Variants in B3GAT2 observed in about 807,000 individuals in gnomAD.
B3GAT2 encodes galactosylgalactosylxylosylprotein 3-beta-glucuronosyltransferase 2.
B3GAT2 carries 26 observed loss-of-function variants against 27.8 expected under a neutral mutation model. The ratio of observed to expected loss-of-function variants is 0.93; its 90% CI spans 0.68 to 1.30. The LOEUF (loss-of-function observed/expected upper bound fraction) is 1.30, where lower values mean the gene tolerates loss of function less well. Among genes scored for constraint, B3GAT2 ranks in the 50% most tolerant of loss-of-function variants. The probability of loss-of-function intolerance (pLI) is 0.00; values close to 1 mark genes in which losing one functional copy is unlikely to be tolerated. For synonymous variants in B3GAT2, 218 were observed against 195.1 expected, an observed-to-expected ratio of 1.12 and a Z score of -0.98; for missense variants, 458 against 459.0, an observed-to-expected ratio of 1.00 and a Z score of 0.02.
intron 1 of B3GAT2, among the ~76,000 whole-genome samples, chr6:70,941,103 G>T (rs1022215892): frequency 2.0e-5 from 3 of 152,070 alleles, no homozygotes; most frequent in African/African-American, 7.2e-5. Context: ...AATACCCAAT[G>T]GTGTAATTAA....
chr6:70,860,384 G>A lies in B3GAT2; in HGVS notation c.*1279C>T. ...GAACTACCACCTGACATTCCTTGCT[G>A]AAACGCATCTAGTTCCCCTGTTTAT... is the stretch of plus-strand genomic sequence containing the variant. On this transcript the variant is annotated 3_prime_UTR_variant, in exon 4 of 4. Transcript: ENST00000230053. 1 of 1,568,276 alleles carries A rather than the reference G, an allele frequency of 6.4e-7. No homozygotes were observed. Among genetic ancestry groups the A allele is most frequent in the East Asian group, 2.3e-5 (1 of 44,170 alleles).
chr6:70,886,221 A>G (rs593132), intron 2 of B3GAT2, among the ~76,000 whole-genome samples: 50,500 of 152,024 alleles, frequency 0.33, 13,077 homozygotes, highest in African/African-American at 0.7. Context: ...AGACACACTG[A>G]CCTGACTCTG....
Position 70,894,222 on chromosome 6 carries a change from C to T in B3GAT2, c.642G>A (p.Gly214=). Residue 214 remains glycine, a synonymous_variant, in exon 2 of 4, where the codon GGG becomes GGA. Transcript: ENST00000230053. ...CCACCAGCGGACGTTCGTAGCGCCG[C>T]CCACCAACCAGGCCCACAGGCCAGA... ...VSVWPVGLVG[G]RRYERPLVEN... 6.2e-7 allele frequency: 1 copy of T among 1,613,754 alleles called. No individual in the cohort carries two copies. The highest frequency in any genetic ancestry group is 8.5e-7 in the Non-Finnish European group (1 of 1,179,738).
chr6:70,955,947 G>T lies in B3GAT2; in HGVS notation c.483C>A (p.Asn161Lys), dbSNP rs1441764337. Reference sequence around the variant, plus strand: ...TCTGGCGCAGCCAGGCGAGGCCCGCGTTGCGCTGCTCAGTGGCGCGCGGCA... The same window carrying T: ...TCTGGCGCAGCCAGGCGAGGCCCGCTTTGCGCTGCTCAGTGGCGCGCGGCA... ...PGLPRATEQR[N>K]AGLAWLRQRH... The change falls in exon 1 of 4, where the codon AAC (asparagine) becomes AAA (lysine). Residue 161 changes from asparagine to lysine, a missense_variant. Coordinates refer to ENST00000230053, the MANE Select transcript of B3GAT2 (RefSeq NM_080742.3). 6.4e-7 allele frequency: 1 copy of T among 1,572,430 alleles called. No homozygotes were observed. Among genetic ancestry groups the T allele is most frequent in the Non-Finnish European group, 8.6e-7 (1 of 1,161,542 alleles).
intron 1 of B3GAT2, among the ~76,000 whole-genome samples, chr6:70,943,999 A>G (rs1054151492): frequency 6.6e-6 from 1 of 152,198 alleles, no homozygotes; most frequent in Admixed American, 6.5e-5. Context: ...GGTAATGAAT[A>G]TATTAATTAG....
At chr6:70,879,806 G>A (rs2347625) in intron 2 of B3GAT2, among the ~76,000 whole-genome samples, 4,735 of 152,152 alleles carry the variant, frequency 0.031, 140 homozygotes, top group South Asian at 0.11. Flanking sequence ...GCAGAGACAA[G>A]TACACGTGAT....
chr6:70,894,406 CCTT>C, intron 1 of B3GAT2, 134 bp from the exon 2 acceptor site: 1 of 966,866 alleles, frequency 1.0e-6, no homozygotes, highest in African/African-American at 1.6e-5. Flanking sequence ...AAAACAGAAT[CCTT>C]CTGCTGCTAG....
At chr6:70,930,433 A>C (rs552322425) in intron 1 of B3GAT2, among the ~76,000 whole-genome samples, 1 of 152,348 alleles carries the variant, frequency 6.6e-6, no homozygotes, top group East Asian at 1.9e-4. Context: ...ATATTTTTGC[A>C]ATCTACCCAT....
At chr6:70,943,045 G>T (rs985792048) in intron 1 of B3GAT2, among the ~76,000 whole-genome samples, 8 of 152,086 alleles carry the variant, frequency 5.3e-5, no homozygotes, top group Admixed American at 3.3e-4. Context: ...TGGAGGAGAC[G>T]GATTTTAAAA....
At position 70,856,822 on chromosome 6, in the gene B3GAT2, T is replaced by C; in HGVS notation, c.*4841A>G. 6.4e-7 allele frequency: 1 copy of C among 1,557,500 alleles called. No individual in the cohort carries two copies. The highest frequency in any genetic ancestry group is 1.9e-5 in the Admixed American group (1 of 51,598). On this transcript the variant is annotated 3_prime_UTR_variant, in exon 4 of 4. Coordinates refer to ENST00000230053, the MANE Select transcript of B3GAT2 (RefSeq NM_080742.3). ...GTAATGGATAAGCTGCGCTTTACTA[T>C]GCAGAATTTGATAGCTTATTTTGGT...
intron 1 of B3GAT2, among the ~76,000 whole-genome samples, chr6:70,903,702 C>T (rs921812133): frequency 6.6e-6 from 1 of 151,888 alleles, no homozygotes; most frequent in Admixed American, 6.6e-5. Flanking sequence ...AAAGCCACTA[C>T]TGACCCACCA....
chr6:70,915,795 G>A (rs1772763414), intron 1 of B3GAT2, among the ~76,000 whole-genome samples: 1 of 152,100 alleles, frequency 6.6e-6, no homozygotes. Flanking sequence ...ATGCTGTTTT[G>A]GTTACTGTAG....
rs1765665497 is a variant in B3GAT2, at chr6:70,956,781, A to G, written c.-352T>C. ...GATCCCCACCGCGCTCTTTCTGAAG[A>G]GTGGAAGCCGAGAAGCGGCACCCGG... On this transcript the variant is annotated 5_prime_UTR_variant, in exon 1 of 4. Coordinates refer to ENST00000230053, the MANE Select transcript of B3GAT2 (RefSeq NM_080742.3). The G allele has an allele frequency of 1.8e-6, 2 of 1,125,240 alleles. No individual in the cohort carries two copies. The highest frequency in any genetic ancestry group is 3.3e-5 in the African/African-American group (2 of 59,786). 69.7% of individuals were successfully genotyped at this position (1,125,240 alleles called of 1,614,324 possible).
chr6:70,954,918 G>GGC (rs905507984), intron 1 of B3GAT2, among the ~76,000 whole-genome samples: 6 of 151,666 alleles, frequency 4.0e-5, no homozygotes, highest in Admixed American at 6.6e-5. Context: ...GGGGCGGCGG[G>GGC]GGGGGGCGGT....
At chr6:70,894,066 G>A (rs963424668) in intron 2 of B3GAT2, 62 bp downstream of exon 2, 27 of 1,442,380 alleles carry the variant, frequency 1.9e-5, no homozygotes, top group Non-Finnish European at 2.4e-5. Flanking sequence ...CTAGTGCATC[G>A]TTATAAACAA....
chr6:70,945,170 C>T (rs1765458644), intron 1 of B3GAT2, among the ~76,000 whole-genome samples: 1 of 152,170 alleles, frequency 6.6e-6, no homozygotes, highest in African/African-American at 2.4e-5. Context: ...GAGCACCTCT[C>T]CTCCCCCAAA....
intron 2 of B3GAT2, among the ~76,000 whole-genome samples, chr6:70,886,277 T>C (rs1772183806): frequency 6.6e-6 from 1 of 152,096 alleles, no homozygotes; most frequent in African/African-American, 2.4e-5. Context: ...GGGCTCCTTA[T>C]ATGTAAGTGG....
intron 1 of B3GAT2, among the ~76,000 whole-genome samples, chr6:70,911,136 T>C (rs1173456430): frequency 2.0e-5 from 3 of 152,228 alleles, no homozygotes; most frequent in Non-Finnish European, 4.4e-5. Flanking sequence ...ACTCTCTTGA[T>C]AGTTTCTTTT....
At chr6:70,873,228 C>A (rs1771964918) in intron 2 of B3GAT2, among the ~76,000 whole-genome samples, 1 of 147,356 alleles carries the variant, frequency 6.8e-6, no homozygotes, top group Admixed American at 6.8e-5. Flanking sequence ...TTGAGTATTT[C>A]TTGTAGGGCA....
Sources: allele counts gnomAD v4.1 joint callset (sites outside exome capture counted in the v4.1 genomes callset), GRCh38; gene constraint gnomAD v4.1.1; transcripts MANE v1.5; gene names NCBI Gene and HGNC (gene_info 2026-07-23, HGNC 2026-07-21).